The following MS4A4A variants were observed in gnomAD, a reference collection of about 807,000 sequenced individuals.
MS4A4A encodes membrane-spanning 4-domains subfamily A member 4A.
MS4A4A carries 26 observed loss-of-function variants against 28.0 expected under a neutral mutation model. The observed-to-expected ratio is 0.93, with a 90% CI of 0.68 to 1.29. The LOEUF is 1.29. Ranked by LOEUF, MS4A4A falls within the 50% of genes most tolerant of loss-of-function variation. The probability of loss-of-function intolerance (pLI) is 0.00; values close to 1 mark genes in which losing one functional copy is unlikely to be tolerated. For missense variants in MS4A4A, 290 were observed against 293.1 expected (o/e 0.99, Z 0.08); for synonymous variants, 86 against 100.8 (o/e 0.85, Z 0.88).
intron 4 of MS4A4A, among the ~76,000 whole-genome samples, chr11:60,302,019 A>T (rs1037141630): frequency 2.0e-5 from 3 of 152,104 alleles, no homozygotes; most frequent in African/African-American, 7.2e-5. Context: ...ACCTCAGATT[A>T]TCCACCCCGC....
intron 1 of MS4A4A, among the ~76,000 whole-genome samples, chr11:60,280,988 C>A (rs756158169): frequency 7.2e-5 from 11 of 152,106 alleles, no homozygotes; most frequent in Non-Finnish European, 1.2e-4. Context: ...TACTTTTGTC[C>A]CCTGAGTCTT....
chr11:60,296,571 T>A (rs1590757041), intron 2 of MS4A4A, among the ~76,000 whole-genome samples: 1 of 152,108 alleles, frequency 6.6e-6, no homozygotes, highest in East Asian at 1.9e-4. Flanking sequence ...GGAGATTGAT[T>A]TTAGATCATG....
chr11:60,280,867 C>A, intron 1 of MS4A4A, 151 bp downstream of exon 1: 1 of 827,470 alleles, frequency 1.2e-6, no homozygotes, highest in African/African-American at 1.7e-5. Context: ...GTTGAGTGCA[C>A]CTTTAAATGT....
chr11:60,299,035 A>T (rs1411042790), intron 3 of MS4A4A, among the ~76,000 whole-genome samples: 2 of 152,136 alleles, frequency 1.3e-5, no homozygotes, highest in Non-Finnish European at 2.9e-5. Flanking sequence ...TTCCTCTGAG[A>T]TAGTACATAC....
At chr11:60,291,518 AGCTGGGTGCGGTGGCTCACACC>A (rs2084855356) in intron 1 of MS4A4A, among the ~76,000 whole-genome samples, 1 of 152,106 alleles carries the variant, frequency 6.6e-6, no homozygotes, top group Non-Finnish European at 1.5e-5. Flanking sequence ...GTAATCCTTC[AGCTGGGTGCGGTGGCTCACACC>A]TGTAATTCCA....
chr11:60,303,585 G>A (rs759932898), intron 5 of MS4A4A, among the ~76,000 whole-genome samples: 2 of 152,112 alleles, frequency 1.3e-5, no homozygotes, highest in Non-Finnish European at 2.9e-5. Flanking sequence ...GCACGTGCCT[G>A]TGATCCCAGC....
chr11:60,303,583 C>T (rs2084971975), intron 5 of MS4A4A, among the ~76,000 whole-genome samples: 1 of 152,074 alleles, frequency 6.6e-6, no homozygotes, highest in Admixed American at 6.6e-5. Flanking sequence ...TGGCACGTGC[C>T]TGTGATCCCA....
At chr11:60,306,281 AAC>A in intron 6 of MS4A4A, 80 bp downstream of exon 6, 3 of 1,070,832 alleles carry the variant, frequency 2.8e-6, no homozygotes, top group Middle Eastern at 2.0e-4. Flanking sequence ...TTAGAGTCTT[AAC>A]ACAGAACACA....
At chr11:60,281,661 C>T (rs532204737) in intron 1 of MS4A4A, among the ~76,000 whole-genome samples, 1 of 152,220 alleles carries the variant, frequency 6.6e-6, no homozygotes, top group African/African-American at 2.4e-5. Context: ...ATGCTCTCTC[C>T]TTGCAATTGT....
At chr11:60,300,961 G>T in intron 3 of MS4A4A, 40 bp from the exon 4 acceptor site, 1 of 1,485,796 alleles carries the variant, frequency 6.7e-7, no homozygotes. Context: ...CCCAATACTG[G>T]CTTAAAGTTT....
chr11:60,298,722 T>C (rs2084926157), intron 3 of MS4A4A, among the ~76,000 whole-genome samples: 1 of 152,212 alleles, frequency 6.6e-6, no homozygotes, highest in East Asian at 1.9e-4. Context: ...CCAGCTTACA[T>C]GGTGCAAGCC....
intron 1 of MS4A4A, among the ~76,000 whole-genome samples, chr11:60,288,709 G>T (rs2084824196): frequency 6.6e-6 from 1 of 152,180 alleles, no homozygotes; most frequent in South Asian, 2.1e-4. Flanking sequence ...TGTAAGGCTG[G>T]ATGTAGCAGC....
At chr11:60,305,621 A>G (rs1032932925) in intron 5 of MS4A4A, 1 of 153,722 alleles carries the variant, frequency 6.5e-6, no homozygotes, top group African/African-American at 2.4e-5. Flanking sequence ...GCTAATAAGC[A>G]ATCTTAATTT....
chr11:60,285,459 C>G (rs1174918187), intron 1 of MS4A4A, among the ~76,000 whole-genome samples: 2 of 152,162 alleles, frequency 1.3e-5, no homozygotes, highest in Non-Finnish European at 2.9e-5. Flanking sequence ...GCCTGGGCAA[C>G]AGAATGAGAC....
Position 60,297,236 on chromosome 11 carries a change from G to C in MS4A4A, c.241G>C (p.Gly81Arg). The C allele has an allele frequency of 6.2e-7, 1 of 1,613,542 alleles. No individual in the cohort carries two copies. Residue 81 changes from glycine to arginine, a missense_variant, in exon 3 of 7, where the codon GGA becomes CGA. Coordinates refer to ENST00000337908, the MANE Select transcript of MS4A4A (RefSeq NM_148975.3). ...GACTGCCCTGATGAGCCTTAGCATG[G>C]GAATAACAATGATGTGTATGGCATC... ...ILTALMSLSM[G>R]ITMMCMASNT...
chr11:60,284,007 C>T (rs1008716099), intron 1 of MS4A4A, among the ~76,000 whole-genome samples: 2 of 152,234 alleles, frequency 1.3e-5, no homozygotes, highest in Non-Finnish European at 2.9e-5. Flanking sequence ...TACCTTTTAG[C>T]TATTATAGAT....
chr11:60,297,112 G>A (rs1018786843), intron 2 of MS4A4A, 85 bp from the exon 3 acceptor site: 1 of 1,507,170 alleles, frequency 6.6e-7, no homozygotes, highest in Non-Finnish European at 9.1e-7. Flanking sequence ...AGGAGAATAA[G>A]GATAGCTTAG....
chr11:60,284,352 A>C (rs558258288), intron 1 of MS4A4A, among the ~76,000 whole-genome samples: 3 of 152,228 alleles, frequency 2.0e-5, no homozygotes, highest in Non-Finnish European at 4.4e-5. Flanking sequence ...TCTGGCTTGA[A>C]GTATAAAACA....
chr11:60,288,210 A>G (rs2084819702), intron 1 of MS4A4A, among the ~76,000 whole-genome samples: 1 of 152,216 alleles, frequency 6.6e-6, no homozygotes, highest in African/African-American at 2.4e-5. Context: ...CATCCTTTGA[A>G]ACTAGGTGGC....
Sources: gnomAD v4.1 joint callset for allele counts (sites outside exome capture counted in the v4.1 genomes callset) on GRCh38, gnomAD v4.1.1 for gene constraint, MANE v1.5 for transcripts, NCBI Gene and HGNC (gene_info 2026-07-23, HGNC 2026-07-21) for gene names.